Variants in NDUFA9 observed in about 807,000 individuals in gnomAD.
NDUFA9 encodes NADH:ubiquinone oxidoreductase subunit A9.
NDUFA9 carries 23 observed loss-of-function variants against 45.9 expected under a neutral mutation model. The observed-to-expected ratio is 0.50, with a 90% CI of 0.36 to 0.71. NDUFA9 has a LOEUF of 0.71. Ranked by LOEUF, NDUFA9 falls within the 30% of genes least tolerant of loss-of-function variation. The pLI is 0.00. For synonymous variants in NDUFA9, 176 were observed against 170.5 expected (o/e 1.03, Z -0.25); for missense variants, 466 against 488.2 (o/e 0.95, Z 0.43).
rs1318459171 is a variant in NDUFA9, at chr12:4,692,623, A to C, written c.*5515A>C. 1.3e-5 allele frequency: 2 copies of C among 152,186 alleles called. No individual in the cohort carries two copies. 9.4% of individuals were successfully genotyped at this position (152,186 alleles called of 1,614,324 possible). On this transcript the variant is annotated 3_prime_UTR_variant, in exon 11 of 11. Transcript: ENST00000266544. ...AGCATGAAGGCCATCTTGATGGGGG[A>C]AATCTTTTAGTACCCTAATGCGAGC...
At chr12:4,662,481 C>T in intron 5 of NDUFA9, 52 bp from the exon 6 acceptor site, 1 of 1,344,146 alleles carries the variant, frequency 7.4e-7, no homozygotes, top group Non-Finnish European at 1.1e-6. Flanking sequence ...AGAATGGATG[C>T]TTTATTCACT....
rs1294464506 is a variant in NDUFA9 at position 4,691,749 on chromosome 12, G to A, written c.*4641G>A. 2.6e-5 allele frequency: 4 copies of A among 152,002 alleles called. No homozygotes were observed. Among genetic ancestry groups the A allele is most frequent in the African/African-American group, 7.3e-5 (3 of 41,344 alleles). The allele number at this position is 152,002 out of a possible 1,614,324, so 9.4% of individuals were successfully genotyped here. A position where few individuals can be genotyped will look rare whatever the true frequency, so the allele number is the denominator to read the frequency against. On this transcript the variant is annotated 3_prime_UTR_variant, in exon 11 of 11. Transcript: ENST00000266544. ...AAGCAGAGGGTGGTGGGGTTTTTGA[G>A]GGCTGTGTGAGAGTGTAGAAGTACT...
At position 4,668,542 on chromosome 12, in the gene NDUFA9, G is replaced by A; in HGVS notation, c.723+18G>A. On this transcript the variant is annotated intron_variant, in intron 7 of 10. Coordinates refer to ENST00000266544, the MANE Select transcript of NDUFA9 (RefSeq NM_005002.5). ...CAGTATATGTAAGTACTTGGATGAA[G>A]GGGGTCAGAAAGGGATTTTTGATGA... The A allele has an allele frequency of 6.3e-7, 1 of 1,595,988 alleles. No individual in the cohort carries two copies. Among genetic ancestry groups the A allele is most frequent in the Admixed American group, 1.7e-5 (1 of 59,972 alleles).
At chr12:4,682,763 G>T (rs987672465) in intron 9 of NDUFA9, among the ~76,000 whole-genome samples, 5 of 152,162 alleles carry the variant, frequency 3.3e-5, no homozygotes, top group African/African-American at 1.2e-4. Flanking sequence ...TCTTCTCTTT[G>T]TGGGTTAAAT....
In NDUFA9 at chr12:4,688,606, A is replaced by T. The variant is rs943424159; in HGVS notation, c.*1498A>T. 7 of 152,184 alleles carry T rather than the reference A, an allele frequency of 4.6e-5. No individual in the cohort carries two copies. The allele number at this position is 152,184 out of a possible 1,614,324, so 9.4% of individuals were successfully genotyped here. Reference sequence around the variant, plus strand: ...ACATTACAGTATGAGAAGCACTGCCATACAGAAGAGCTGTATCAGAGTTCA... The same window carrying T: ...ACATTACAGTATGAGAAGCACTGCCTTACAGAAGAGCTGTATCAGAGTTCA... On this transcript the variant is annotated 3_prime_UTR_variant, in exon 11 of 11. Coordinates refer to ENST00000266544, the MANE Select transcript of NDUFA9 (RefSeq NM_005002.5).
At chr12:4,659,742 C>T (rs545448291) in intron 5 of NDUFA9, among the ~76,000 whole-genome samples, 5 of 152,230 alleles carry the variant, frequency 3.3e-5, no homozygotes, top group South Asian at 4.1e-4. Context: ...TTATCAGGGA[C>T]GCAGAAGGGA....
intron 6 of NDUFA9, among the ~76,000 whole-genome samples, chr12:4,664,792 A>G (rs1945843890): frequency 6.6e-6 from 1 of 152,224 alleles, no homozygotes; most frequent in Admixed American, 6.5e-5. Flanking sequence ...ATTGATTTTT[A>G]GTAGCCACCC....
chr12:4,659,585 A>G (rs1945812233), intron 5 of NDUFA9, among the ~76,000 whole-genome samples: 1 of 152,162 alleles, frequency 6.6e-6, no homozygotes, highest in Non-Finnish European at 1.5e-5. Flanking sequence ...GGGCAATGTG[A>G]AGGCTCAGAA....
chr12:4,678,319 AT>A (rs1414579992), intron 8 of NDUFA9, among the ~76,000 whole-genome samples: 1 of 152,122 alleles, frequency 6.6e-6, no homozygotes, highest in Non-Finnish European at 1.5e-5. Flanking sequence ...ATGTAAAAAA[AT>A]AAATAAAAGA....
chr12:4,656,012 T>A (rs1945788438), intron 3 of NDUFA9: 1 of 151,634 alleles, frequency 6.6e-6, no homozygotes, highest in African/African-American at 2.4e-5. Context: ...GCTGACTTCC[T>A]ACTTGTGTTG....
intron 3 of NDUFA9, among the ~76,000 whole-genome samples, chr12:4,656,167 T>C (rs374051500): frequency 1.5e-4 from 23 of 152,370 alleles, no homozygotes; most frequent in Admixed American, 2.0e-4. Flanking sequence ...TTTTCATTTA[T>C]TCTTGACTCA....
chr12:4,654,999 A>G, intron 3 of NDUFA9, 77 bp downstream of exon 3: 1 of 1,193,074 alleles, frequency 8.4e-7, no homozygotes, highest in Non-Finnish European at 1.2e-6. Flanking sequence ...AGGCAGTATA[A>G]TAAAGCAGTA....
At chr12:4,656,586 C>T (rs914658182) in intron 3 of NDUFA9, among the ~76,000 whole-genome samples, 19 of 152,286 alleles carry the variant, frequency 1.2e-4, no homozygotes, top group African/African-American at 3.4e-4. Context: ...CTGATTTCCC[C>T]GCTTTAGTCT....
intron 8 of NDUFA9, among the ~76,000 whole-genome samples, chr12:4,675,804 A>C (rs1030467716): frequency 2.0e-4 from 31 of 152,218 alleles, no homozygotes; most frequent in Admixed American, 3.3e-4. Context: ...TCCCTAATTC[A>C]TTTTATGAGG....
Position 4,659,186 on chromosome 12 carries a change from C to T in NDUFA9, c.552+9C>T. 2 of 1,608,166 alleles carry T rather than the reference C, an allele frequency of 1.2e-6. No individual in the cohort carries two copies. The highest frequency in any genetic ancestry group is 2.7e-5 in the African/African-American group (2 of 74,848). ...GATATTTGAGAAATAAGGTAAGTAA[C>T]AAATTGATCTGGGAAGTGGTTCACA... On this transcript the variant is annotated intron_variant, in intron 5 of 10. Coordinates refer to ENST00000266544, the MANE Select transcript of NDUFA9 (RefSeq NM_005002.5).
At chr12:4,652,759 A>G (rs1305677252) in intron 1 of NDUFA9, among the ~76,000 whole-genome samples, 1 of 152,256 alleles carries the variant, frequency 6.6e-6, no homozygotes, top group Non-Finnish European at 1.5e-5. Flanking sequence ...ACTTAGAATA[A>G]TGCTGGACAC....
chr12:4,664,857 G>GA (rs2137470842), intron 6 of NDUFA9, among the ~76,000 whole-genome samples: 1 of 152,302 alleles, frequency 6.6e-6, no homozygotes, highest in African/African-American at 2.4e-5. Flanking sequence ...AAATCTAATA[G>GA]AATTTACCTT....
intron 8 of NDUFA9, among the ~76,000 whole-genome samples, chr12:4,675,933 A>C (rs1157836304): frequency 6.6e-6 from 1 of 152,214 alleles, no homozygotes; most frequent in South Asian, 2.1e-4. Flanking sequence ...CACATCAAAA[A>C]ACTTATCCAG....
At chr12:4,657,627 G>A (rs1945798388) in intron 3 of NDUFA9, 121 bp from the exon 4 acceptor site, 3 of 690,252 alleles carry the variant, frequency 4.3e-6, no homozygotes, top group Non-Finnish European at 7.7e-6. Context: ...TGGATGAAAT[G>A]GCACTATATT....
Sources: allele counts gnomAD v4.1 joint callset (sites outside exome capture counted in the v4.1 genomes callset), GRCh38; gene constraint gnomAD v4.1.1; transcripts MANE v1.5; gene names NCBI Gene and HGNC (gene_info 2026-07-23, HGNC 2026-07-21).